FAAH2: variants seen among roughly 807,000 people sequenced by gnomAD.
The protein encoded by FAAH2 is fatty acid amide hydrolase 2.
In FAAH2, 60 loss-of-function variants were observed where a neutral mutation model predicts 36.9. The ratio of observed to expected loss-of-function variants is 1.63; its 90% CI spans 1.32 to 2.02. The LOEUF is 2.02. Ranked by LOEUF, FAAH2 falls within the 30% of genes most tolerant of loss-of-function variation. The pLI is 0.00. For synonymous variants in FAAH2, 214 were observed against 143.8 expected (o/e 1.49, Z -3.49); for missense variants, 689 against 397.5 (o/e 1.73, Z -6.23).
chrX:57,442,476 A>T (rs1236893759), intron 8 of FAAH2, among the ~76,000 whole-genome samples: 1 of 110,782 alleles, frequency 9.0e-6, no homozygotes, highest in Non-Finnish European at 1.9e-5. Flanking sequence ...ATCTTCCTCC[A>T]TCCCTTTATT....
the FAAH2 span, among the ~76,000 whole-genome samples, chrX:57,219,762 C>T: frequency 2.2e-5 from 2 of 92,863 alleles, no homozygotes; most frequent in East Asian, 3.4e-4. Context: ...GGGAAACTCC[C>T]GGTCCTCTGT....
At chrX:57,140,594 G>A in the FAAH2 span, among the ~76,000 whole-genome samples, 11,285 of 66,158 alleles carry the variant, frequency 0.17, 1,847 homozygotes, top group African/African-American at 0.57. Context: ...GCGAGACCCC[G>A]TCTCAAAAAA....
intron 8 of FAAH2, among the ~76,000 whole-genome samples, chrX:57,445,014 A>G (rs981416142): frequency 1.8e-5 from 2 of 111,432 alleles, no homozygotes; most frequent in African/African-American, 6.5e-5. Flanking sequence ...TGGTTAGGTT[A>G]TGTTTTCCTG....
At chrX:57,384,124 T>C (rs1325072401) in intron 7 of FAAH2, among the ~76,000 whole-genome samples, 2 of 110,572 alleles carry the variant, frequency 1.8e-5, no homozygotes, top group African/African-American at 3.3e-5. Flanking sequence ...TAGCCATATG[T>C]AGAAAGCTGA....
chrX:57,338,126 T>A (rs1473180336), intron 4 of FAAH2, among the ~76,000 whole-genome samples: 1 of 111,668 alleles, frequency 9.0e-6, no homozygotes, highest in Non-Finnish European at 1.9e-5. Context: ...AAGCTTTTAA[T>A]CACCTGGGTG....
At chrX:57,354,261 A>C (rs1393101048) in intron 5 of FAAH2, among the ~76,000 whole-genome samples, 2 of 111,383 alleles carry the variant, frequency 1.8e-5, no homozygotes, top group African/African-American at 6.5e-5. Context: ...CTGCCATATG[A>C]AATCATGTCT....
chrX:57,333,556 A>C (rs751946404), intron 4 of FAAH2, among the ~76,000 whole-genome samples: 5 of 110,698 alleles, frequency 4.5e-5, no homozygotes, highest in African/African-American at 1.6e-4. Flanking sequence ...GTAATGTAAG[A>C]AGACAGATGG....
intron 2 of FAAH2, among the ~76,000 whole-genome samples, chrX:57,293,159 A>T (rs935831504): frequency 4.5e-5 from 5 of 111,031 alleles, no homozygotes; most frequent in African/African-American, 1.6e-4. Flanking sequence ...GCTCTCAGCC[A>T]TTCATGTACC....
the FAAH2 span, among the ~76,000 whole-genome samples, chrX:57,277,410 G>C: frequency 9.0e-6 from 1 of 111,665 alleles, no homozygotes; most frequent in South Asian, 3.8e-4. Flanking sequence ...ACTAGGTATT[G>C]ATGGAATGTA....
At chrX:57,150,590 C>A in the FAAH2 span, among the ~76,000 whole-genome samples, 1 of 111,355 alleles carries the variant, frequency 9.0e-6, no homozygotes, top group Admixed American at 9.5e-5. Flanking sequence ...AACCTCTGCC[C>A]TTTTTTGTTT....
chrX:57,301,162 C>A (rs1411906100), intron 2 of FAAH2, among the ~76,000 whole-genome samples: 2 of 108,916 alleles, frequency 1.8e-5, no homozygotes, highest in East Asian at 5.8e-4. Flanking sequence ...CACATGCACA[C>A]GTATGTTTAT....
the FAAH2 span, among the ~76,000 whole-genome samples, chrX:57,160,027 A>G: frequency 8.9e-6 from 1 of 112,110 alleles, no homozygotes; most frequent in Non-Finnish European, 1.9e-5. Context: ...TACCAAATTT[A>G]TTGAGAATTT....
intron 3 of FAAH2, among the ~76,000 whole-genome samples, chrX:57,331,359 G>T (rs924039067): frequency 9.0e-6 from 1 of 110,737 alleles, no homozygotes; most frequent in Non-Finnish European, 1.9e-5. Context: ...GTGAACAGTA[G>T]CCCTGTGCAG....
intron 10 of FAAH2, among the ~76,000 whole-genome samples, chrX:57,485,713 A>G (rs1165009425): frequency 3.6e-5 from 4 of 112,012 alleles, no homozygotes; most frequent in African/African-American, 1.3e-4. Context: ...ATTCATTATC[A>G]GTCATTTCAT....
At chrX:57,355,903 C>T (rs1156492628) in intron 5 of FAAH2, among the ~76,000 whole-genome samples, 1 of 111,118 alleles carries the variant, frequency 9.0e-6, no homozygotes, top group Non-Finnish European at 1.9e-5. Flanking sequence ...CAACATTGAG[C>T]ATGTTAGCTT....
At chrX:57,148,485 G>A in the FAAH2 span, among the ~76,000 whole-genome samples, 1 of 110,802 alleles carries the variant, frequency 9.0e-6, no homozygotes, top group African/African-American at 3.3e-5. Context: ...CACATCCCTT[G>A]TAAGTTGGAT....
At chrX:57,479,186 C>A (rs1307976337) in intron 10 of FAAH2, among the ~76,000 whole-genome samples, 1 of 111,074 alleles carries the variant, frequency 9.0e-6, no homozygotes, top group Non-Finnish European at 1.9e-5. Flanking sequence ...TGTAGTTCTC[C>A]TTGAAGAGGT....
intron 7 of FAAH2, among the ~76,000 whole-genome samples, chrX:57,396,689 C>T (rs2055308818): frequency 9.0e-6 from 1 of 111,635 alleles, no homozygotes; most frequent in Non-Finnish European, 1.9e-5. Flanking sequence ...CACTGTGGTC[C>T]AATTAGATAC....
chrX:57,481,353 G>GTT (rs201662900), intron 10 of FAAH2, among the ~76,000 whole-genome samples: 4 of 110,915 alleles, frequency 3.6e-5, no homozygotes, highest in African/African-American at 1.3e-4. Flanking sequence ...CTTTTGTGCT[G>GTT]TTTTTTTTCC....
Sources: gnomAD v4.1 joint callset for allele counts (sites outside exome capture counted in the v4.1 genomes callset) on GRCh38, gnomAD v4.1.1 for gene constraint, MANE v1.5 for transcripts, NCBI Gene and HGNC (gene_info 2026-07-23, HGNC 2026-07-21) for gene names.